The following ERG28 variants were observed in gnomAD, a reference collection of about 807,000 sequenced individuals.
ERG28 encodes ergosterol biosynthetic protein 28 homolog.
In ERG28, 9 loss-of-function variants were observed where a neutral mutation model predicts 15.7. The ratio of observed to expected loss-of-function variants is 0.57; its 90% CI spans 0.35 to 1.00. ERG28 has a LOEUF of 1.00. Among genes scored for constraint, ERG28 ranks in the 50% least tolerant of loss-of-function variants. The pLI, the probability that ERG28 is intolerant of heterozygous loss-of-function variation, is 0.02. For missense variants in ERG28, 117 were observed against 173.3 expected, an observed-to-expected ratio of 0.68 and a Z score of 1.82; for synonymous variants, 61 against 68.4, an observed-to-expected ratio of 0.89 and a Z score of 0.53.
intron 3 of ERG28, among the ~76,000 whole-genome samples, 165 bp downstream of exon 3, chr14:75,654,721 A>G (rs1890575377): frequency 6.6e-6 from 1 of 152,220 alleles, no homozygotes. Flanking sequence ...TAGGTCTACT[A>G]TGTTTTCTAG....
Position 75,654,877 on chromosome 14 carries a change from C to G in ERG28, c.224+9G>C. 3.1e-6 allele frequency: 5 copies of G among 1,607,562 alleles called. No individual in the cohort carries two copies. The highest frequency in any genetic ancestry group is 1.7e-4 in the Middle Eastern group (1 of 6,048). ...AAAGGATGCTAAAGCTCTTCCTTCC[C>G]TTACATACGTCTTGTTGTGAATGTC... On this transcript the variant is annotated intron_variant, in intron 3 of 4. Coordinates refer to ENST00000256319, the MANE Select transcript of ERG28 (RefSeq NM_007176.4).
At position 75,651,272 on chromosome 14, in the gene ERG28, G is replaced by C; in HGVS notation, c.*283C>G. On this transcript the variant is annotated 3_prime_UTR_variant, in exon 5 of 5. Coordinates refer to ENST00000256319, the MANE Select transcript of ERG28 (RefSeq NM_007176.4). Reference sequence around the variant, plus strand: ...TGGAAAAGGGAGCCTGGAAGAGGTTGCAGGTAGGGGAAGGAGACACAGTGG... The same window carrying C: ...TGGAAAAGGGAGCCTGGAAGAGGTTCCAGGTAGGGGAAGGAGACACAGTGG... 3.6e-6 allele frequency: 1 copy of C among 274,856 alleles called. No individual in the cohort carries two copies. The highest frequency in any genetic ancestry group is 6.6e-5 in the East Asian group (1 of 15,230). 17.0% of individuals were successfully genotyped at this position (274,856 alleles called of 1,614,324 possible).
chr14:75,657,451 T>C lies in ERG28; in HGVS notation c.52A>G (p.Ile18Val). The C allele has an allele frequency of 1.9e-6, 3 of 1,614,168 alleles. No individual in the cohort carries two copies. Among genetic ancestry groups the C allele is most frequent in the Non-Finnish European group, 2.5e-6 (3 of 1,180,000 alleles). The change falls in exon 2 of 5, where the codon ATA becomes GTA. Residue 18 changes from isoleucine (I) to valine (V), a missense_variant. Ile to Val is a conservative substitution (Grantham distance 29). Transcript: ENST00000256319. ...LRSWLVMVSI[I>V]AMGNTLQSFR... Reference sequence around the variant, plus strand: ...CTCTGCAGCGTGTTCCCCATGGCTATGATGGACACCATAACCAGCCAACTT... The same window carrying C: ...CTCTGCAGCGTGTTCCCCATGGCTACGATGGACACCATAACCAGCCAACTT...
intron 2 of ERG28, among the ~76,000 whole-genome samples, chr14:75,655,735 G>A (rs1407257408): frequency 6.6e-6 from 1 of 152,140 alleles, no homozygotes; most frequent in Non-Finnish European, 1.5e-5. Flanking sequence ...CAACTATATC[G>A]TATTCTCTGG....
chr14:75,659,605 G>A (rs979474474), intron 1 of ERG28, among the ~76,000 whole-genome samples: 2 of 148,748 alleles, frequency 1.3e-5, no homozygotes, highest in Admixed American at 6.7e-5. Flanking sequence ...CTCTTGTTGA[G>A]TAGTAATTTC....
chr14:75,650,486 T>C lies in ERG28; in HGVS notation c.*1069A>G, dbSNP rs932128968. On this transcript the variant is annotated 3_prime_UTR_variant, in exon 5 of 5. Coordinates refer to ENST00000256319, the MANE Select transcript of ERG28 (RefSeq NM_007176.4). ...ATGAGGGTCCAGCTGGGGGAGGCCC[T>C]CTGGGTAGGGTTTAAGAGCAACTGT... The C allele has an allele frequency of 6.6e-6, 1 of 152,260 alleles. No individual in the cohort carries two copies. The allele number at this position is 152,260 out of a possible 1,614,324, so 9.4% of individuals were successfully genotyped here.
intron 2 of ERG28, among the ~76,000 whole-genome samples, chr14:75,655,452 T>G (rs1326032533): frequency 1.3e-5 from 2 of 152,130 alleles, no homozygotes; most frequent in African/African-American, 4.8e-5. Context: ...GATATGTGAG[T>G]GCCTGGGTCT....
chr14:75,651,546 A>T lies in ERG28; in HGVS notation c.*9T>A. 1 of 1,605,348 alleles carries T rather than the reference A, an allele frequency of 6.2e-7. No homozygotes were observed. Among genetic ancestry groups the T allele is most frequent in the Non-Finnish European group, 8.5e-7 (1 of 1,172,598 alleles). On this transcript the variant is annotated 3_prime_UTR_variant, in exon 5 of 5. Coordinates refer to ENST00000256319, the MANE Select transcript of ERG28 (RefSeq NM_007176.4). ...AAACGAGAAAGTCCTGGAGGTGATA[A>T]TGCTGGCCTCAGTTTCTCTTCTTCT...
chr14:75,654,722 T>A (rs887138666), intron 3 of ERG28, among the ~76,000 whole-genome samples, 164 bp downstream of exon 3: 7 of 152,238 alleles, frequency 4.6e-5, no homozygotes, highest in African/African-American at 1.4e-4. Flanking sequence ...AGGTCTACTA[T>A]GTTTTCTAGG....
intron 1 of ERG28, among the ~76,000 whole-genome samples, chr14:75,660,470 A>G (rs930053580): frequency 2.6e-5 from 4 of 152,210 alleles, no homozygotes; most frequent in African/African-American, 9.6e-5. Context: ...AAATGGAGAT[A>G]GAAATATCAA....
At chr14:75,656,612 T>C (rs895956461) in intron 2 of ERG28, among the ~76,000 whole-genome samples, 1 of 152,214 alleles carries the variant, frequency 6.6e-6, no homozygotes, top group Admixed American at 6.5e-5. Context: ...GGTCAGAGCC[T>C]GAATCTGGGT....
At chr14:75,654,817 A>G in intron 3 of ERG28, 69 bp downstream of exon 3, 1 of 1,450,198 alleles carries the variant, frequency 6.9e-7, no homozygotes, top group Non-Finnish European at 9.7e-7. Context: ...CCATTACTCA[A>G]GGTAACAGGT....
rs1426825847 is a variant in ERG28 at position 75,657,412 on chromosome 14, T to A, written c.91A>T (p.Thr31Ser). ...GNTLQSFRDH[T>S]FLYEKLYTGK... ...GTGTAGAGCTTTTCATAGAGAAAAG[T>A]GTGGTCTCGGAAGCTCTGCAGCGTG... Residue 31 changes from threonine (T) to serine (S), a missense_variant, in exon 2 of 5, where the codon ACT becomes TCT. Transcript: ENST00000256319. 6.2e-7 allele frequency: 1 copy of A among 1,613,126 alleles called. No homozygotes were observed.
chr14:75,655,088 T>G (rs1473403859), intron 2 of ERG28, 112 bp from the exon 3 acceptor site: 1 of 1,028,232 alleles, frequency 9.7e-7, no homozygotes, highest in East Asian at 2.4e-5. Context: ...ACCTGACCTC[T>G]CTGTGGCTGG....
At position 75,651,460 on chromosome 14, in the gene ERG28, G is replaced by C. The variant is rs2140062406; in HGVS notation, c.*95C>G. On this transcript the variant is annotated 3_prime_UTR_variant, in exon 5 of 5. Transcript: ENST00000256319. Reference sequence around the variant, plus strand: ...GCTAAAAGTGAATAAAAGGGCAGATGATGGAATAGAAAAGAAATTAAAGAG... The same window carrying C: ...GCTAAAAGTGAATAAAAGGGCAGATCATGGAATAGAAAAGAAATTAAAGAG... 6.5e-6 allele frequency: 8 copies of C among 1,237,342 alleles called. No individual in the cohort carries two copies. The highest frequency in any genetic ancestry group is 8.1e-6 in the Non-Finnish European group (7 of 868,440). 76.6% of individuals were successfully genotyped at this position (1,237,342 alleles called of 1,614,324 possible). A position where few individuals can be genotyped will look rare whatever the true frequency, so the allele number is the denominator to read the frequency against.
chr14:75,652,562 T>C (rs538218838), intron 3 of ERG28, among the ~76,000 whole-genome samples: 22 of 152,310 alleles, frequency 1.4e-4, no homozygotes, highest in African/African-American at 5.3e-4. Flanking sequence ...TATAAAATTT[T>C]TTAAAATTAT....
chr14:75,651,259 C>T lies in ERG28; in HGVS notation c.*296G>A, dbSNP rs1263616165. 8.0e-6 allele frequency: 2 copies of T among 251,248 alleles called. No homozygotes were observed. The highest frequency in any genetic ancestry group is 9.1e-5 in the South Asian group (1 of 10,932). The allele number at this position is 251,248 out of a possible 1,614,324, so 15.6% of individuals were successfully genotyped here. ...AAAAGGGGAAGGCTGGAAAAGGGAG[C>T]CTGGAAGAGGTTGCAGGTAGGGGAA... On this transcript the variant is annotated 3_prime_UTR_variant, in exon 5 of 5. Transcript: ENST00000256319.
At chr14:75,653,472 C>A (rs534347091) in intron 3 of ERG28, among the ~76,000 whole-genome samples, 1 of 151,614 alleles carries the variant, frequency 6.6e-6, no homozygotes. Context: ...CATGGTGGTG[C>A]GCGCCTGTAA....
At chr14:75,656,198 G>C (rs1890594015) in intron 2 of ERG28, among the ~76,000 whole-genome samples, 1 of 151,734 alleles carries the variant, frequency 6.6e-6, no homozygotes, top group African/African-American at 2.4e-5. Flanking sequence ...GGACACTTTA[G>C]AGCACTGCTA....
Sources: allele counts gnomAD v4.1 joint callset (sites outside exome capture counted in the v4.1 genomes callset), GRCh38; gene constraint gnomAD v4.1.1; transcripts MANE v1.5; gene names NCBI Gene and HGNC (gene_info 2026-07-23, HGNC 2026-07-21).